The following MYH11 variants were observed in gnomAD, a reference collection of about 807,000 sequenced individuals.
The protein encoded by MYH11 is myosin-11.
MYH11 carries 80 observed loss-of-function variants against 246.6 expected under a neutral mutation model. That is an observed-to-expected ratio of 0.32 (90% CI 0.27 to 0.39). The LOEUF (loss-of-function observed/expected upper bound fraction) is 0.39, where lower values mean the gene tolerates loss of function less well. Ranked by LOEUF, MYH11 falls within the 10% of genes least tolerant of loss-of-function variation. MYH11 has a pLI of 1.00. For missense variants in MYH11, 2,158 were observed against 2,546.8 expected (o/e 0.85, Z 3.29); for synonymous variants, 1,071 against 1,015.5 (o/e 1.05, Z -1.04).
In MYH11 at chr16:15,771,381, C is replaced by T. The variant is rs1239690100; in HGVS notation, c.1033+188G>A. ...CGGGTTACTTGCAACCCTAGTTATA[C>T]AGCCACTTTTCTACAACACAAACAA... On this transcript the variant is annotated intron_variant, in intron 9 of 40. Transcript: ENST00000300036. Among the ~76,000 whole-genome samples the T allele has an allele frequency of 4.0e-5, 6 of 151,692 alleles. No homozygotes were observed. The East Asian group carries it at 1.2e-3, about 29-fold the overall frequency.
intron 4 of MYH11, among the ~76,000 whole-genome samples, chr16:15,795,662 G>T (rs960134809): frequency 3.9e-5 from 6 of 152,176 alleles, no homozygotes; most frequent in African/African-American, 1.2e-4. Flanking sequence ...ATACTGGATT[G>T]CAGGAAGGAT....
rs373358736 is a variant in MYH11 at position 15,738,676 on chromosome 16, G to C, written c.3010C>G (p.Leu1004Val). The C allele has an allele frequency of 1.5e-4, 240 of 1,613,634 alleles. 1 individual carries two copies. Among genetic ancestry groups the C allele is most frequent in the Non-Finnish European group, 1.9e-4 (230 of 1,179,876 alleles). The change falls in exon 24 of 41, where the codon CTT becomes GTT. Residue 1004 changes from leucine to valine, a missense_variant. Physicochemically the swap from Leu to Val is conservative, Grantham distance 32. This residue lies in a region of MYH11 where 284 missense variants were observed against 315.4 expected (regional missense o/e 0.90). Coordinates refer to ENST00000300036, the MANE Select transcript of MYH11 (RefSeq NM_002474.3). ...NNKLSKERKL[L>V]EERISDLTTN... ...GTTAAGTCACTAATCCTCTCCTCAA[G>C]GAGTTTTCGTTCCTTTTTGGGGAAA...
intron 4 of MYH11, chr16:15,792,352 T>C (rs1301439482): frequency 2.0e-5 from 3 of 152,188 alleles, no homozygotes; most frequent in African/African-American, 2.4e-5. Context: ...TGCCCACCTA[T>C]TATTACTTTT....
At chr16:15,753,211 C>T (rs1450862396) in intron 15 of MYH11, among the ~76,000 whole-genome samples, 183 bp downstream of exon 15, 1 of 152,110 alleles carries the variant, frequency 6.6e-6, no homozygotes, top group Non-Finnish European at 1.5e-5. Context: ...TTGAGGGGCT[C>T]AGGGACCCCC....
Position 15,852,334 on chromosome 16 carries a change from C to CTTTT in MYH11, c.-18+4603_-18+4606dup, listed in dbSNP as rs4006745. On this transcript the variant is annotated intron_variant, in intron 1 of 40. Coordinates refer to ENST00000300036, the MANE Select transcript of MYH11 (RefSeq NM_002474.3). ...TGCAACAAGTTGCAATTTGCAATGC[C>CTTTT]TTTTTTTTTTTTTTTTTGAGACCGA... 3.5e-4 allele frequency among the ~76,000 whole-genome samples: 45 copies of CTTTT among 129,128 alleles called. 1 individual carries two copies. Among genetic ancestry groups the CTTTT allele is most frequent in the African/African-American group, 7.9e-4 (27 of 33,978 alleles). 84.7% of individuals were successfully genotyped at this position (129,128 alleles called of 152,430 possible).
intron 9 of MYH11, among the ~76,000 whole-genome samples, chr16:15,769,316 CAAACA>C (rs1191203784): frequency 1.3e-5 from 2 of 152,316 alleles, no homozygotes; most frequent in Admixed American, 6.5e-5. Context: ...GCCTCCATCT[CAAACA>C]AAACAAAACA....
At chr16:15,713,542 G>A (rs2039940574) in intron 40 of MYH11, 1 of 152,242 alleles carries the variant, frequency 6.6e-6, no homozygotes, top group South Asian at 2.1e-4. Context: ...GTCCATCCAG[G>A]GTAAGTGCAT....
chr16:15,746,692 A>G (rs2041426613), intron 19 of MYH11, among the ~76,000 whole-genome samples: 1 of 152,160 alleles, frequency 6.6e-6, no homozygotes, highest in Admixed American at 6.6e-5. Context: ...TTCACAGAAC[A>G]GCTGGGACAT....
rs906918076 is a variant in MYH11, at chr16:15,748,050, T to C, written c.2177A>G (p.Gln726Arg). Residue 726 changes from glutamine to arginine, a missense_variant, in exon 17 of 41, where the codon CAA becomes CGA. Physicochemically the swap from Gln to Arg is conservative, Grantham distance 43. This residue lies in a region of MYH11 where 317 missense variants were observed against 507.7 expected (regional missense o/e 0.62). Transcript: ENST00000300036. ...PNRIVFQEFRQRYEILAANAI... is the reference protein window; with the variant it reads ...PNRIVFQEFRRRYEILAANAI... ...TGGGCCAGACCTTGGGACTTACCGT[T>C]GGCGGAACTCCTGGAAGACGATCCG... 1.2e-6 allele frequency: 2 copies of C among 1,614,052 alleles called. No individual in the cohort carries two copies. The highest frequency in any genetic ancestry group is 1.7e-6 in the Non-Finnish European group (2 of 1,180,044).
chr16:15,822,817 G>C (rs919723057), intron 3 of MYH11, among the ~76,000 whole-genome samples: 1 of 152,242 alleles, frequency 6.6e-6, no homozygotes, highest in African/African-American at 2.4e-5. Flanking sequence ...TTCACAAGAA[G>C]CTACAAGATA....
At chr16:15,789,483 A>G (rs1195952548) in intron 4 of MYH11, among the ~76,000 whole-genome samples, 1 of 152,204 alleles carries the variant, frequency 6.6e-6, no homozygotes, top group African/African-American at 2.4e-5. Context: ...GCTTTCACAC[A>G]GATAGGAAAT....
rs71134473 is a variant in MYH11 at position 15,848,228 on chromosome 16, CTTTTTTTTT to C, written c.-18+8704_-18+8712del. Among the ~76,000 whole-genome samples the C allele has an allele frequency of 1.2e-3, 130 of 104,372 alleles. 3 individuals are homozygous for C. In the East Asian group the frequency reaches 0.013, roughly 11 times the overall value. The allele number at this position is 104,372 out of a possible 152,430, so 68.5% of individuals were successfully genotyped here. On this transcript the variant is annotated intron_variant, in intron 1 of 40. Transcript: ENST00000300036. ...ATACTAGTAATAATAGTTGCTAAGT[CTTTTTTTTT>C]TTTTTTTTTTTTTGACACAGAGTCT...
intron 1 of MYH11, among the ~76,000 whole-genome samples, 182 bp downstream of exon 1, chr16:15,856,759 T>C (rs769628424): frequency 6.6e-6 from 1 of 151,986 alleles, no homozygotes; most frequent in African/African-American, 2.4e-5. Context: ...GGGGAAAGTC[T>C]AGGATAATCT....
In MYH11 at chr16:15,745,186, C is replaced by T; in HGVS notation, c.2463G>A (p.Arg821=). Residue 821 remains arginine (R), a synonymous_variant, in exon 20 of 41, where the codon AGG becomes AGA. Coordinates refer to ENST00000300036, the MANE Select transcript of MYH11 (RefSeq NM_002474.3). ...GCAGCTTGAGGTAGGCGGCGCAGTT[C>T]CTCTGAATCACCTTCATGGCGGTCA... ...QQLTAMKVIQ[R]NCAAYLKLRN... The T allele has an allele frequency of 1.2e-6, 2 of 1,614,142 alleles. No individual in the cohort carries two copies. The highest frequency in any genetic ancestry group is 1.7e-6 in the Non-Finnish European group (2 of 1,180,032).
At chr16:15,710,338 T>C (rs1375602139) in intron 40 of MYH11, among the ~76,000 whole-genome samples, 1 of 152,056 alleles carries the variant, frequency 6.6e-6, no homozygotes, top group African/African-American at 2.4e-5. Flanking sequence ...CCAGCCAGTA[T>C]GGTGAAACCT....
chr16:15,738,431 G>T, intron 24 of MYH11, 134 bp downstream of exon 24: 1 of 789,042 alleles, frequency 1.3e-6, no homozygotes, highest in Non-Finnish European at 2.0e-6. Context: ...GAGGATCACT[G>T]GAGCTTAGGA....
At chr16:15,709,877 C>G (rs114758869) in intron 40 of MYH11, among the ~76,000 whole-genome samples, 1,783 of 152,184 alleles carry the variant, frequency 0.012, 40 homozygotes, top group African/African-American at 0.041. Flanking sequence ...ACAGCTCTTG[C>G]CGGAGGTAAC....
At chr16:15,757,062 T>G (rs1379276116) in intron 13 of MYH11, among the ~76,000 whole-genome samples, 1 of 151,690 alleles carries the variant, frequency 6.6e-6, no homozygotes, top group Admixed American at 6.6e-5. Flanking sequence ...CCTCCCAAAG[T>G]GCTGGGATTA....
At chr16:15,844,608 T>C (rs776975761) in intron 1 of MYH11, among the ~76,000 whole-genome samples, 1 of 152,120 alleles carries the variant, frequency 6.6e-6, no homozygotes, top group Non-Finnish European at 1.5e-5. Context: ...TATAATCCCA[T>C]ATTTTGGGAG....
Sources: allele counts gnomAD v4.1 joint callset (sites outside exome capture counted in the v4.1 genomes callset), GRCh38; gene constraint gnomAD v4.1.1; regional missense constraint gnomAD v4.1.1; transcripts MANE v1.5; gene names NCBI Gene and HGNC (gene_info 2026-07-23, HGNC 2026-07-21).